AKAP9: variants seen among roughly 807,000 people sequenced by gnomAD.
The protein encoded by AKAP9 is A-kinase anchoring protein 9.
Under a neutral mutation model 488.5 loss-of-function variants are expected in AKAP9, and 311 were observed. The observed-to-expected ratio is 0.64, with a 90% CI of 0.58 to 0.70. AKAP9 has a LOEUF of 0.70. Among genes scored for constraint, AKAP9 ranks in the 30% least tolerant of loss-of-function variants. AKAP9 has a pLI of 0.00. For synonymous variants in AKAP9, 1,462 were observed against 1,483.5 expected (o/e 0.99, Z 0.33); for missense variants, 4,215 against 4,374.5 (o/e 0.96, Z 1.03).
chr7:92,028,972 AT>A (rs147025098), intron 14 of AKAP9, among the ~76,000 whole-genome samples: 3,906 of 152,254 alleles, frequency 0.026, 68 homozygotes, highest in Non-Finnish European at 0.037. Flanking sequence ...ACTTTGGCCA[AT>A]TTTGGACAGA....
At chr7:92,023,423 C>T (rs901903699) in intron 14 of AKAP9, among the ~76,000 whole-genome samples, 5 of 152,190 alleles carry the variant, frequency 3.3e-5, no homozygotes, top group Non-Finnish European at 7.3e-5. Context: ...AAATTCACCA[C>T]GTCCAAAGTA....
rs899307339 is a variant in AKAP9 at position 92,014,232 on chromosome 7, A to G, written c.3533-17A>G. On this transcript the variant is annotated splice_polypyrimidine_tract_variant and intron_variant, in intron 9 of 49. Coordinates refer to ENST00000356239, the MANE Select transcript of AKAP9 (RefSeq NM_005751.5). ...GTATGTAAATTGAATTTCTTAATCC[A>G]TTATCTGTTCTATTAGGTGATGAAG... The G allele has an allele frequency of 5.7e-6, 9 of 1,569,644 alleles. No individual in the cohort carries two copies. Among genetic ancestry groups the G allele is most frequent in the Admixed American group, 1.7e-5 (1 of 59,888 alleles).
chr7:92,035,858 A>T (rs1250875330), intron 16 of AKAP9, among the ~76,000 whole-genome samples: 1 of 152,098 alleles, frequency 6.6e-6, no homozygotes, highest in Non-Finnish European at 1.5e-5. Flanking sequence ...GTGTTTTCTT[A>T]TTCCACAATT....
intron 49 of AKAP9, among the ~76,000 whole-genome samples, chr7:92,109,497 C>G (rs972675962): frequency 6.6e-6 from 1 of 152,044 alleles, no homozygotes; most frequent in Non-Finnish European, 1.5e-5. Flanking sequence ...TTTTGAAGAC[C>G]AAAAGATTTT....
At chr7:92,083,823 A>T (rs1439952788) in intron 33 of AKAP9, 168 bp downstream of exon 33, 1 of 654,836 alleles carries the variant, frequency 1.5e-6, no homozygotes, top group Admixed American at 3.0e-5. Flanking sequence ...CTAGTACAAT[A>T]TTCCTTTTTT....
At chr7:92,101,625 A>G (rs1817537075) in intron 45 of AKAP9, among the ~76,000 whole-genome samples, 1 of 152,152 alleles carries the variant, frequency 6.6e-6, no homozygotes, top group African/African-American at 2.4e-5. Flanking sequence ...TTTCATCCCT[A>G]ATAGACCAAA....
At chr7:92,089,665 C>A in intron 38 of AKAP9, 136 bp downstream of exon 38, 1 of 1,002,246 alleles carries the variant, frequency 1.0e-6, no homozygotes, top group Non-Finnish European at 1.5e-6. Flanking sequence ...GTTAAGGATA[C>A]AATCTATATT....
Position 92,107,369 on chromosome 7 carries a change from T to C in AKAP9, c.11493T>C (p.Tyr3831=). 6.2e-7 allele frequency: 1 copy of C among 1,613,860 alleles called. No homozygotes were observed. Among genetic ancestry groups the C allele is most frequent in the Non-Finnish European group, 8.5e-7 (1 of 1,179,834 alleles). The part of the protein sequence containing the change: ...ELYGEPRHTT[Y]RSRSDLDYIR... ...ATGGAGAACCAAGACATACTACGTA[T>C]CGCTCAAGATCAGATCTGGACTATA... is the stretch of plus-strand genomic sequence containing the variant. The change falls in exon 48 of 50, where the codon TAT becomes TAC. Residue 3831 remains tyrosine (Y), a synonymous_variant. Coordinates refer to ENST00000356239, the MANE Select transcript of AKAP9 (RefSeq NM_005751.5).
At chr7:91,946,613 A>G (rs545379814) in intron 1 of AKAP9, among the ~76,000 whole-genome samples, 1 of 152,090 alleles carries the variant, frequency 6.6e-6, no homozygotes, top group Non-Finnish European at 1.5e-5. Flanking sequence ...GGCTCAAGCA[A>G]TCCTCCTGCC....
rs1178622891 is a variant in AKAP9 at position 92,001,283 on chromosome 7, C to T, written c.1366C>T (p.His456Tyr). ...AATGAAACAAGAATTAATAAGACAA[C>T]ACATGGCACAGATGGAGGAAATGAA... ...VQMKQELIRQ[H>Y]MAQMEEMKTR... Residue 456 changes from histidine to tyrosine, a missense_variant, in exon 8 of 50, where the codon CAC becomes TAC. Physicochemically the swap from His to Tyr is moderately conservative, Grantham distance 83. Around this residue, in one of 5 missense-constraint regions of AKAP9, gnomAD observed 2,361 missense variants for 2,430.0 expected, o/e 0.97. Transcript: ENST00000356239. 6.2e-7 allele frequency: 1 copy of T among 1,613,926 alleles called. No individual in the cohort carries two copies. Among genetic ancestry groups the T allele is most frequent in the South Asian group, 1.1e-5 (1 of 91,076 alleles).
chr7:91,952,998 A>C (rs991344416), intron 1 of AKAP9, among the ~76,000 whole-genome samples: 3 of 152,140 alleles, frequency 2.0e-5, no homozygotes, highest in African/African-American at 7.2e-5. Context: ...TGAGTGTTTA[A>C]GCTGGGGAAT....
Position 92,014,216 on chromosome 7 carries a change from T to C in AKAP9, c.3533-33T>C, listed in dbSNP as rs796487148. ...TGATCATAGTTCTTAAGTATGTAAA[T>C]TGAATTTCTTAATCCATTATCTGTT... On this transcript the variant is annotated intron_variant, in intron 9 of 49. Transcript: ENST00000356239. 7.6e-6 allele frequency: 11 copies of C among 1,454,662 alleles called. No individual in the cohort carries two copies. The African/African-American group carries it at 9.8e-5, about 13-fold the overall frequency. The allele number at this position is 1,454,662 out of a possible 1,614,324, so 90.1% of individuals were successfully genotyped here.
At position 92,077,883 on chromosome 7, in the gene AKAP9, C is replaced by T. The variant is rs733957; in HGVS notation, c.6945+8C>T. The T allele has an allele frequency of 0.39, 616,637 of 1,595,566 alleles. 121,483 individuals are homozygous for T. The highest frequency in any genetic ancestry group is 0.48 in the African/African-American group (35,353 of 74,390). ...ATTACAACAGATAACAAGGTATACTCATTTAAAATTGATTATGAAATTAAT... is the reference window on the plus strand; with the variant it reads ...ATTACAACAGATAACAAGGTATACTTATTTAAAATTGATTATGAAATTAAT... On this transcript the variant is annotated splice_region_variant and intron_variant, in intron 30 of 49. Transcript: ENST00000356239.
At position 92,083,786 on chromosome 7, in the gene AKAP9, T is replaced by G. The variant is rs182448482; in HGVS notation, c.8646+131T>G. The G allele has an allele frequency of 7.3e-4, 700 of 953,846 alleles. 4 individuals are homozygous for G. The African/African-American group carries it at 0.01, about 14-fold the overall frequency. 59.1% of individuals were successfully genotyped at this position (953,846 alleles called of 1,614,324 possible). A position where few individuals can be genotyped will look rare whatever the true frequency, so the allele number is the denominator to read the frequency against. On this transcript the variant is annotated intron_variant, in intron 33 of 49. Coordinates refer to ENST00000356239, the MANE Select transcript of AKAP9 (RefSeq NM_005751.5). ...AAGGCACTTGATCTTTCTAAGTAGGTGTATTATCAAGGCAAGTTTTAAACT... is the reference window on the plus strand; with the variant it reads ...AAGGCACTTGATCTTTCTAAGTAGGGGTATTATCAAGGCAAGTTTTAAACT...
Position 91,971,560 on chromosome 7 carries a change from C to CTTTTTTTT in AKAP9, c.49-2133_49-2126dup, listed in dbSNP as rs71107844. ...GTTTCTTGTGGATATACATCTATTT[C>CTTTTTTTT]TTTTTTTTTTTTTTTTTTTTTTTTT... On this transcript the variant is annotated intron_variant, in intron 1 of 49. Transcript: ENST00000356239. Among the ~76,000 whole-genome samples the CTTTTTTTT allele has an allele frequency of 3.9e-3, 266 of 68,556 alleles. 4 individuals carry two copies. Among genetic ancestry groups the CTTTTTTTT allele is most frequent in the Non-Finnish European group, 4.2e-3 (164 of 38,648 alleles). 45.0% of individuals were successfully genotyped at this position (68,556 alleles called of 152,430 possible).
At chr7:91,999,877 C>A (rs1227936300) in intron 7 of AKAP9, among the ~76,000 whole-genome samples, 2 of 152,162 alleles carry the variant, frequency 1.3e-5, no homozygotes, top group Non-Finnish European at 2.9e-5. Context: ...TTCATTCATT[C>A]ATTCAAGGCA....
intron 21 of AKAP9, among the ~76,000 whole-genome samples, chr7:92,045,830 C>CTTTTTTTTTTT (rs35346628): frequency 9.2e-6 from 1 of 108,914 alleles, no homozygotes; most frequent in Non-Finnish European, 1.9e-5. Flanking sequence ...CTTTCCGTTT[C>CTTTTTTTTTTT]TTTTTTTTTT....
chr7:92,029,814 T>C lies in AKAP9; in HGVS notation c.4149-81T>C, dbSNP rs1803923024. ...TTGTCTCCCATGCCCCAGTACACAT[T>C]TTATGTGTGGTGTAGATTTTGCATG... is the stretch of plus-strand genomic sequence containing the variant. On this transcript the variant is annotated intron_variant, in intron 14 of 49. Coordinates refer to ENST00000356239, the MANE Select transcript of AKAP9 (RefSeq NM_005751.5). The C allele has an allele frequency of 3.5e-6, 4 of 1,130,348 alleles. No individual in the cohort carries two copies. In the Admixed American group the frequency reaches 5.1e-5, roughly 14 times the overall value. The allele number at this position is 1,130,348 out of a possible 1,614,324, so 70.0% of individuals were successfully genotyped here.
chr7:91,950,858 A>G (rs17673035), intron 1 of AKAP9, among the ~76,000 whole-genome samples: 6,256 of 152,288 alleles, frequency 0.041, 177 homozygotes, highest in Non-Finnish European at 0.064. Context: ...GTTTTGGCTG[A>G]AAGTTACAGA....
Sources: gnomAD v4.1 joint callset for allele counts (sites outside exome capture counted in the v4.1 genomes callset) on GRCh38, gnomAD v4.1.1 for gene constraint, gnomAD v4.1.1 regional missense constraint, MANE v1.5 for transcripts, NCBI Gene and HGNC (gene_info 2026-07-23, HGNC 2026-07-21) for gene names.